Variants in TXNRD3 observed in about 807,000 individuals in gnomAD.
The protein encoded by TXNRD3 is thioredoxin reductase 3.
TXNRD3 carries 68 observed loss-of-function variants against 78.2 expected under a neutral mutation model. That is an observed-to-expected ratio of 0.87 (90% CI 0.72 to 1.06). The LOEUF is 1.06. Ranked by LOEUF, TXNRD3 falls within the 50% of genes least tolerant of loss-of-function variation. The pLI, the probability that TXNRD3 is intolerant of heterozygous loss-of-function variation, is 0.00. For missense variants in TXNRD3, 751 were observed against 809.5 expected, an observed-to-expected ratio of 0.93 and a Z score of 0.88; for synonymous variants, 296 against 300.1, an observed-to-expected ratio of 0.99 and a Z score of 0.14.
rs72971199 is a variant in TXNRD3 at position 126,628,793 on chromosome 3, G to C, written c.1290+586C>G. On this transcript the variant is annotated intron_variant, in intron 10 of 15. Transcript: ENST00000524230. ...CAATCCTAATCAAAATCTCAATAAGGTTGATTTTTGGATTTTGGTTTTGTT... is the reference window on the plus strand; with the variant it reads ...CAATCCTAATCAAAATCTCAATAAGCTTGATTTTTGGATTTTGGTTTTGTT... Among the ~76,000 whole-genome samples, 995 of 151,912 alleles carry C rather than the reference G, an allele frequency of 6.5e-3. 8 individuals carry two copies. The highest frequency in any genetic ancestry group is 0.023 in the African/African-American group (949 of 41,428).
At chr3:126,629,093 T>G (rs188891929) in intron 10 of TXNRD3, among the ~76,000 whole-genome samples, 111 of 152,170 alleles carry the variant, frequency 7.3e-4, no homozygotes, top group African/African-American at 2.1e-3. Context: ...ATATTCAAAT[T>G]AAGAAATGTA....
Position 126,654,781 on chromosome 3 carries a change from G to A in TXNRD3, c.210C>T (p.Ile70=). ...TATGGGGACAGTAGCTCTTGCTGAA[G>A]ATCACCACCCGGCTGCGCTCGATGA... The change falls in exon 1 of 16, where the codon ATC becomes ATT. Residue 70 remains isoleucine (I), a synonymous_variant. Transcript: ENST00000524230. 1.4e-5 allele frequency: 20 copies of A among 1,429,516 alleles called. No homozygotes were observed. Among genetic ancestry groups the A allele is most frequent in the Non-Finnish European group, 1.6e-5 (18 of 1,092,504 alleles). 88.6% of individuals were successfully genotyped at this position (1,429,516 alleles called of 1,614,324 possible). A position where few individuals can be genotyped will look rare whatever the true frequency, so the allele number is the denominator to read the frequency against.
intron 1 of TXNRD3, among the ~76,000 whole-genome samples, chr3:126,649,072 A>G (rs1412784460): frequency 6.6e-5 from 10 of 152,222 alleles, no homozygotes; most frequent in Non-Finnish European, 1.5e-5. Context: ...GGAACTGAAT[A>G]GGGTATTTGC....
At position 126,646,100 on chromosome 3, in the gene TXNRD3, A is replaced by G; in HGVS notation, c.414+11T>C. The G allele has an allele frequency of 6.7e-7, 1 of 1,502,522 alleles. No individual in the cohort carries two copies. The highest frequency in any genetic ancestry group is 8.9e-7 in the Non-Finnish European group (1 of 1,128,694). 93.1% of individuals were successfully genotyped at this position (1,502,522 alleles called of 1,614,324 possible). A position where few individuals can be genotyped will look rare whatever the true frequency, so the allele number is the denominator to read the frequency against. ...CAAACAGCATTGAAGAACATATAATAGTATTATTACCTGGAAAGTTTGGTC... is the reference window on the plus strand; with the variant it reads ...CAAACAGCATTGAAGAACATATAATGGTATTATTACCTGGAAAGTTTGGTC... On this transcript the variant is annotated intron_variant, in intron 3 of 15. Transcript: ENST00000524230.
chr3:126,636,431 C>A (rs1201567862), intron 6 of TXNRD3, among the ~76,000 whole-genome samples: 2 of 152,122 alleles, frequency 1.3e-5, no homozygotes, highest in Non-Finnish European at 1.5e-5. Flanking sequence ...AATTAAAATA[C>A]CCCAAGTTCT....
At chr3:126,634,893 T>A (rs1358318877) in intron 6 of TXNRD3, among the ~76,000 whole-genome samples, 1 of 152,176 alleles carries the variant, frequency 6.6e-6, no homozygotes, top group Non-Finnish European at 1.5e-5. Context: ...CATGGGATGT[T>A]ACCATGCAGG....
At chr3:126,635,105 C>T (rs186027014) in intron 6 of TXNRD3, among the ~76,000 whole-genome samples, 5 of 152,318 alleles carry the variant, frequency 3.3e-5, no homozygotes, top group South Asian at 2.1e-4. Flanking sequence ...GCAGTGACCA[C>T]GTCACCACAA....
At chr3:126,626,926 A>G (rs1010276142) in intron 10 of TXNRD3, among the ~76,000 whole-genome samples, 14 of 144,796 alleles carry the variant, frequency 9.7e-5, no homozygotes, top group African/African-American at 3.5e-4. Context: ...CCCCAACCGT[A>G]AAAAAAAAAA....
intron 9 of TXNRD3, 129 bp downstream of exon 9, chr3:126,630,583 G>T (rs1341228197): frequency 5.9e-6 from 6 of 1,016,498 alleles, no homozygotes. Context: ...GGTTGGCTCT[G>T]TAGACTTGGG....
At chr3:126,630,049 T>C (rs1457692903) in intron 9 of TXNRD3, among the ~76,000 whole-genome samples, 2 of 152,166 alleles carry the variant, frequency 1.3e-5, no homozygotes, top group Non-Finnish European at 2.9e-5. Flanking sequence ...GGAAAACAAA[T>C]GGGTGCTGGA....
At chr3:126,637,610 T>C (rs1404953765) in intron 6 of TXNRD3, among the ~76,000 whole-genome samples, 1 of 152,102 alleles carries the variant, frequency 6.6e-6, no homozygotes, top group East Asian at 1.9e-4. Flanking sequence ...TTTTCAACAA[T>C]TATTTCTTTT....
intron 12 of TXNRD3, among the ~76,000 whole-genome samples, chr3:126,620,273 C>G (rs1456711058): frequency 7.8e-6 from 1 of 128,032 alleles, no homozygotes; most frequent in Non-Finnish European, 1.6e-5. Context: ...CCAGCCTGGG[C>G]GGCAGAGCGA....
At chr3:126,644,234 A>G in intron 4 of TXNRD3, 63 bp downstream of exon 4, 2 of 1,416,980 alleles carry the variant, frequency 1.4e-6, no homozygotes, top group Non-Finnish European at 1.9e-6. Context: ...TTTAAGTAGC[A>G]GAAGAAATAG....
intron 14 of TXNRD3, among the ~76,000 whole-genome samples, chr3:126,610,699 G>C (rs1419065355): frequency 2.6e-5 from 4 of 152,132 alleles, no homozygotes; most frequent in Non-Finnish European, 5.9e-5. Flanking sequence ...GATGGCCCTG[G>C]GAAAAGGCAG....
At chr3:126,608,374 G>T in intron 15 of TXNRD3, 125 bp downstream of exon 15, 2 of 1,122,608 alleles carry the variant, frequency 1.8e-6, no homozygotes, top group Non-Finnish European at 2.4e-6. Context: ...AAAATAAAAT[G>T]AAATAAAATA....
chr3:126,609,304 G>C (rs1365839093), intron 14 of TXNRD3: 2 of 218,542 alleles, frequency 9.2e-6, no homozygotes, highest in African/African-American at 2.3e-5. Context: ...CGGAGGCCAG[G>C]GCCAGGAGAA....
intron 3 of TXNRD3, among the ~76,000 whole-genome samples, chr3:126,645,047 T>A (rs1286318923): frequency 6.6e-6 from 1 of 152,216 alleles, no homozygotes; most frequent in Admixed American, 6.5e-5. Context: ...AGTTGCTCAC[T>A]CCCATTACCT....
At chr3:126,641,778 GA>G (rs1933094842) in intron 6 of TXNRD3, among the ~76,000 whole-genome samples, 1 of 151,878 alleles carries the variant, frequency 6.6e-6, no homozygotes. Context: ...TGAAAATAGC[GA>G]TTACTTAATC....
intron 1 of TXNRD3, among the ~76,000 whole-genome samples, chr3:126,649,872 G>C (rs1316513804): frequency 6.6e-6 from 1 of 152,160 alleles, no homozygotes; most frequent in Non-Finnish European, 1.5e-5. Flanking sequence ...GTGTTTAATG[G>C]GTATAGAATT....
Sources: allele counts gnomAD v4.1 joint callset (sites outside exome capture counted in the v4.1 genomes callset), GRCh38; gene constraint gnomAD v4.1.1; transcripts MANE v1.5; gene names NCBI Gene and HGNC (gene_info 2026-07-23, HGNC 2026-07-21).